IFT81: variants seen among roughly 807,000 people sequenced by gnomAD.
IFT81 encodes intraflagellar transport 81.
Under a neutral mutation model 102.6 loss-of-function variants are expected in IFT81, and 72 were observed. That is an observed-to-expected ratio of 0.70 (90% CI 0.58 to 0.85). The LOEUF is 0.85. IFT81 is among the 40% of genes least tolerant of loss of function. The pLI is 0.00. For missense variants in IFT81, 723 were observed against 787.3 expected (o/e 0.92, Z 0.98); for synonymous variants, 237 against 242.7 (o/e 0.98, Z 0.22).
In IFT81 at chr12:110,131,827, G is replaced by A. The variant is rs151054464; in HGVS notation, c.430-720G>A. 2.2e-4 allele frequency among the ~76,000 whole-genome samples: 34 copies of A among 152,254 alleles called. No individual in the cohort carries two copies. In the South Asian group the frequency reaches 3.7e-3, roughly 17 times the overall value. On this transcript the variant is annotated intron_variant, in intron 4 of 18. Coordinates refer to ENST00000242591, the MANE Select transcript of IFT81 (RefSeq NM_014055.4). ...ATTGTACATGATATCTACTCTGATAGGATAGATAAAGGGCCAGAGAAGGCT... is the reference window on the plus strand; with the variant it reads ...ATTGTACATGATATCTACTCTGATAAGATAGATAAAGGGCCAGAGAAGGCT...
chr12:110,198,591 G>A (rs772496594), intron 14 of IFT81, among the ~76,000 whole-genome samples: 4 of 152,002 alleles, frequency 2.6e-5, no homozygotes, highest in Non-Finnish European at 5.9e-5. Context: ...TCATACTAGA[G>A]ATATGTTAGA....
chr12:110,133,213 C>G (rs1050536942), intron 5 of IFT81, among the ~76,000 whole-genome samples: 3 of 151,930 alleles, frequency 2.0e-5, no homozygotes, highest in East Asian at 1.9e-4. Flanking sequence ...CTCAAGCTAT[C>G]CTCCCACCTT....
chr12:110,165,841 C>T (rs1400327633), intron 11 of IFT81, among the ~76,000 whole-genome samples: 1 of 152,144 alleles, frequency 6.6e-6, no homozygotes, highest in Non-Finnish European at 1.5e-5. Flanking sequence ...CTAGGAAAGG[C>T]ACATGAAATA....
At chr12:110,144,505 G>A (rs1337799125) in intron 9 of IFT81, among the ~76,000 whole-genome samples, 4 of 151,148 alleles carry the variant, frequency 2.6e-5, no homozygotes, top group South Asian at 2.1e-4. Context: ...ATGAGCCACC[G>A]CACCAGGACT....
intron 10 of IFT81, among the ~76,000 whole-genome samples, chr12:110,149,235 G>A (rs1895387126): frequency 6.6e-6 from 1 of 152,184 alleles, no homozygotes; most frequent in Non-Finnish European, 1.5e-5. Context: ...ATGGTATTTA[G>A]AAACTGAAAC....
intron 9 of IFT81, among the ~76,000 whole-genome samples, chr12:110,145,380 C>T (rs1256416422): frequency 1.3e-5 from 2 of 150,852 alleles, no homozygotes; most frequent in African/African-American, 2.4e-5. Context: ...CTTTAGTGTG[C>T]TTACTATGTG....
At chr12:110,137,948 A>G (rs1261633070) in intron 8 of IFT81, among the ~76,000 whole-genome samples, 2 of 152,208 alleles carry the variant, frequency 1.3e-5, no homozygotes, top group Non-Finnish European at 2.9e-5. Flanking sequence ...TTCTTACATT[A>G]GCTTAACACA....
intron 11 of IFT81, among the ~76,000 whole-genome samples, chr12:110,170,310 T>A (rs2137471095): frequency 6.6e-6 from 1 of 152,372 alleles, no homozygotes; most frequent in Non-Finnish European, 1.5e-5. Flanking sequence ...ATGCCTGTAT[T>A]ATTTTTTAAA....
intron 14 of IFT81, among the ~76,000 whole-genome samples, chr12:110,198,237 G>A (rs976398614): frequency 6.6e-6 from 1 of 150,524 alleles, no homozygotes; most frequent in Non-Finnish European, 1.5e-5. Flanking sequence ...TTTAGTGTTC[G>A]CAGTAAAGAA....
intron 11 of IFT81, among the ~76,000 whole-genome samples, chr12:110,176,241 C>G (rs1338539357): frequency 6.6e-6 from 1 of 152,182 alleles, no homozygotes; most frequent in Non-Finnish European, 1.5e-5. Context: ...TCTGATACAA[C>G]TTCCCAAGCC....
At chr12:110,166,867 G>A (rs553367506) in intron 11 of IFT81, among the ~76,000 whole-genome samples, 2 of 151,938 alleles carry the variant, frequency 1.3e-5, no homozygotes, top group Non-Finnish European at 2.9e-5. Flanking sequence ...CATTTGTTTG[G>A]ATGTAAAACT....
Position 110,190,933 on chromosome 12 carries a change from A to AG in IFT81, c.1353dup (p.Lys452GlufsTer8). The AG allele has an allele frequency of 1.9e-6, 3 of 1,558,760 alleles. No homozygotes were observed. The highest frequency in any genetic ancestry group is 2.6e-6 in the Non-Finnish European group (3 of 1,156,976). On this transcript the variant is annotated frameshift_variant, in exon 13 of 19. Coordinates refer to ENST00000242591, the MANE Select transcript of IFT81 (RefSeq NM_014055.4). LOFTEE classifies it high-confidence loss of function. The stretch of plus-strand genomic sequence containing the variant: ...TTTTACTTATAGCAAACTATGGAGG[A>AG]GAAAAAGGGTATATCTGGATATAGT...
chr12:110,139,731 G>A (rs367974649), intron 8 of IFT81, among the ~76,000 whole-genome samples: 2 of 150,738 alleles, frequency 1.3e-5, no homozygotes, highest in African/African-American at 2.4e-5. Flanking sequence ...CTGAGATCAC[G>A]CCACTGCACT....
At chr12:110,174,277 C>CAAAA (rs61353726) in intron 11 of IFT81, among the ~76,000 whole-genome samples, 39 of 35,282 alleles carry the variant, frequency 1.1e-3, no homozygotes, top group Middle Eastern at 0.029. Flanking sequence ...GACTCCGTCT[C>CAAAA]AAAAAAAAAA....
At chr12:110,139,859 A>AATATAAT (rs1434079375) in intron 8 of IFT81, among the ~76,000 whole-genome samples, 1 of 135,420 alleles carries the variant, frequency 7.4e-6, no homozygotes, top group Non-Finnish European at 1.5e-5. Context: ...AATAAAATAA[A>AATATAAT]ATAAAATATA....
At chr12:110,172,245 C>T (rs912340068) in intron 11 of IFT81, among the ~76,000 whole-genome samples, 1 of 152,112 alleles carries the variant, frequency 6.6e-6, no homozygotes, top group East Asian at 1.9e-4. Context: ...GCCTGGCCAA[C>T]GTGATGAAAC....
intron 1 of IFT81, among the ~76,000 whole-genome samples, chr12:110,125,343 A>G (rs1893766128): frequency 1.3e-5 from 2 of 152,266 alleles, no homozygotes; most frequent in African/African-American, 4.8e-5. Context: ...TTTCTTAGCA[A>G]TAATAATTAT....
chr12:110,193,510 G>A (rs749142055), intron 14 of IFT81, among the ~76,000 whole-genome samples: 19 of 152,160 alleles, frequency 1.2e-4, no homozygotes, highest in Non-Finnish European at 2.1e-4. Context: ...TCTAACCACT[G>A]CTTTAAAGAT....
intron 12 of IFT81, among the ~76,000 whole-genome samples, chr12:110,184,215 T>C (rs1404909353): frequency 6.6e-6 from 1 of 152,000 alleles, no homozygotes; most frequent in Non-Finnish European, 1.5e-5. Context: ...CCGGGCGTGG[T>C]GGCGGGCACC....
Sources: gnomAD v4.1 joint callset for allele counts (sites outside exome capture counted in the v4.1 genomes callset) on GRCh38, gnomAD v4.1.1 for gene constraint, MANE v1.5 for transcripts, NCBI Gene and HGNC (gene_info 2026-07-23, HGNC 2026-07-21) for gene names.